The following TMPRSS9 variants were observed in gnomAD, a reference collection of about 807,000 sequenced individuals.
TMPRSS9 encodes transmembrane serine protease 9, also known as transmembrane protease serine 9.
In TMPRSS9, 113 loss-of-function variants were observed where a neutral mutation model predicts 111.4. That is an observed-to-expected ratio of 1.01 (90% CI 0.87 to 1.19). The LOEUF (loss-of-function observed/expected upper bound fraction) is 1.19. Among genes scored for constraint, TMPRSS9 ranks in the 50% most tolerant of loss-of-function variants. The pLI is 0.00. For missense variants in TMPRSS9, 1,803 were observed against 1,513.1 expected (o/e 1.19, Z -3.18); for synonymous variants, 805 against 659.1 (o/e 1.22, Z -3.39).
At chr19:2,388,858 G>A (rs187291785), upstream of TMPRSS9, among the ~76,000 whole-genome samples, 31 of 151,226 alleles carry the variant, frequency 2.0e-4, 1 homozygote, top group African/African-American at 6.8e-4. Flanking sequence ...TCCTGGGCTC[G>A]AGCAATCCTC....
intron 1 of TMPRSS9, among the ~76,000 whole-genome samples, chr19:2,380,779 G>C (rs1422093110): frequency 6.6e-6 from 1 of 152,068 alleles, no homozygotes; most frequent in Non-Finnish European, 1.5e-5. Flanking sequence ...AAGCTGCTAA[G>C]TTTGTGCTGA....
intron 1 of TMPRSS9, among the ~76,000 whole-genome samples, chr19:2,394,769 ATGT>A (rs1199970912): frequency 6.9e-6 from 1 of 144,090 alleles, no homozygotes; most frequent in Non-Finnish European, 1.5e-5. Context: ...CATGGTTTAA[ATGT>A]TGTAATTACG....
chr19:2,408,998 AT>A (rs947915539), intron 8 of TMPRSS9, among the ~76,000 whole-genome samples: 5 of 130,196 alleles, frequency 3.8e-5, no homozygotes, highest in Non-Finnish European at 6.4e-5. Context: ...CAAAATAATA[AT>A]AATAATAATA....
chr19:2,371,357 C>T (rs891996800), intron 1 of TMPRSS9, among the ~76,000 whole-genome samples: 1 of 152,050 alleles, frequency 6.6e-6, no homozygotes, highest in Non-Finnish European at 1.5e-5. Context: ...AGACGGAAGT[C>T]GGTAGGTTGG....
chr19:2,408,611 C>G lies in TMPRSS9; in HGVS notation c.1098C>G (p.Gly366=), dbSNP rs867654963. 1.9e-6 allele frequency: 3 copies of G among 1,612,552 alleles called. No individual in the cohort carries two copies. In the Middle Eastern group the frequency reaches 5.0e-4, roughly 266 times the overall value. ...AGAAGTGCCTGATCTCAGGCTGGGGCTACCTCAAGGAGGACTTCCGTAAGC... is the reference window on the plus strand; with the variant it reads ...AGAAGTGCCTGATCTCAGGCTGGGGGTACCTCAAGGAGGACTTCCGTAAGC... Residue 366 remains glycine (G), a synonymous_variant, in exon 8 of 18, where the codon GGC becomes GGG. Transcript: ENST00000648592.
chr19:2,413,599 T>C (rs1477307920), intron 9 of TMPRSS9, 101 bp from the exon 11 acceptor site: 2 of 1,317,178 alleles, frequency 1.5e-6, no homozygotes, highest in East Asian at 4.7e-5. Flanking sequence ...TGGAGAGAGG[T>C]CCTGGCTGTC....
chr19:2,394,895 T>C (rs574080782), intron 1 of TMPRSS9, among the ~76,000 whole-genome samples: 2 of 152,348 alleles, frequency 1.3e-5, no homozygotes, highest in East Asian at 3.9e-4. Context: ...TAGATTTTTT[T>C]CTGCTGCTGC....
At chr19:2,416,778 C>T in exon 12 of TMPRSS9, 1 of 1,611,972 alleles carries the variant, frequency 6.2e-7, no homozygotes, top group Non-Finnish European at 8.5e-7. Context: ...AGTGCATGAT[C>T]TCCGGATGGG....
Position 2,406,390 on chromosome 19 carries a change from G to A in TMPRSS9, c.842+845G>A, listed in dbSNP as rs374733823. 4.6e-4 allele frequency among the ~76,000 whole-genome samples: 70 copies of A among 151,180 alleles called. No homozygotes were observed. In the South Asian group the frequency reaches 8.8e-3, roughly 19 times the overall value. On this transcript the variant is annotated intron_variant, in intron 7 of 17. Coordinates refer to ENST00000648592, the Ensembl canonical transcript of TMPRSS9. Reference sequence around the variant, plus strand: ...CGCCCTGGCTGGAGTGCAGTGGTGCGATCTCAGCTCACTGCAACCTCCACC... The same window carrying A: ...CGCCCTGGCTGGAGTGCAGTGGTGCAATCTCAGCTCACTGCAACCTCCACC...
intron 1 of TMPRSS9, among the ~76,000 whole-genome samples, chr19:2,378,798 G>C (rs1447197222): frequency 6.6e-6 from 1 of 152,144 alleles, no homozygotes; most frequent in Non-Finnish European, 1.5e-5. Flanking sequence ...TGGCTGGGGA[G>C]GCCTCAGGAA....
chr19:2,395,894 G>A (rs1464751977), intron 1 of TMPRSS9, among the ~76,000 whole-genome samples: 3 of 151,946 alleles, frequency 2.0e-5, no homozygotes, highest in African/African-American at 7.3e-5. Context: ...TGTAGTCCCA[G>A]CTACTCGGGA....
intron 13 of TMPRSS9, among the ~76,000 whole-genome samples, chr19:2,420,013 A>T (rs974122332): frequency 2.0e-5 from 3 of 152,086 alleles, no homozygotes; most frequent in Non-Finnish European, 2.9e-5. Context: ...TAAAAAAAAA[A>T]TTTGTCAGGC....
chr19:2,372,519 G>GA, intron 1 of TMPRSS9, among the ~76,000 whole-genome samples: 2 of 151,946 alleles, frequency 1.3e-5, no homozygotes, highest in Admixed American at 1.3e-4. Context: ...CCAGTCTTTG[G>GA]AAAAAAAGAT....
chr19:2,384,277 T>C (rs778511296), intron 1 of TMPRSS9, among the ~76,000 whole-genome samples: 1 of 152,058 alleles, frequency 6.6e-6, no homozygotes, highest in African/African-American at 2.4e-5. Context: ...TTGCAGACAA[T>C]GTGGAGGTGA....
chr19:2,425,128 C>T (rs373038495), exon 16 of TMPRSS9: 10 of 1,581,678 alleles, frequency 6.3e-6, no homozygotes, highest in African/African-American at 2.7e-5. Flanking sequence ...CGCTCGACTA[C>T]GACGTGGCGC....
chr19:2,374,134 C>A (rs1970311603), intron 1 of TMPRSS9, among the ~76,000 whole-genome samples: 1 of 151,524 alleles, frequency 6.6e-6, no homozygotes. Flanking sequence ...GGCTTCACTG[C>A]TTTTCAAGCT....
rs1486521452 is a variant in TMPRSS9 at position 2,422,122 on chromosome 19, CT to C, written c.2424del (p.Ala810LeufsTer5). On this transcript the variant is annotated frameshift_variant, in exon 14 of 18. Transcript: ENST00000648592. LOFTEE classifies it high-confidence loss of function. Reference sequence around the variant, plus strand: ...GGGGCCACACCCAGCAGACCCACCCCTGGGGCTGCCAGCAGGGTGACGGGCC... The same window carrying C: ...GGGGCCACACCCAGCAGACCCACCCCGGGGCTGCCAGCAGGGTGACGGGCC... 2.5e-5 allele frequency: 40 copies of C among 1,598,204 alleles called. No individual in the cohort carries two copies. Among genetic ancestry groups the C allele is most frequent in the Non-Finnish European group, 3.2e-5 (38 of 1,171,222 alleles).
exon 6 of TMPRSS9, chr19:2,403,162 G>T (rs1292926078): frequency 6.2e-7 from 1 of 1,611,766 alleles, no homozygotes; most frequent in African/African-American, 1.3e-5. Context: ...CGACCAGGAG[G>T]ACTGCTCCGA....
At chr19:2,411,355 A>G (rs1219327471) in intron 9 of TMPRSS9, among the ~76,000 whole-genome samples, 4 of 146,588 alleles carry the variant, frequency 2.7e-5, no homozygotes, top group Non-Finnish European at 4.5e-5. Context: ...GGGTCATCCA[A>G]AGCTGCTTCT....
Sources: gnomAD v4.1 joint callset for allele counts (sites outside exome capture counted in the v4.1 genomes callset) on GRCh38, gnomAD v4.1.1 for gene constraint, MANE v1.5 for transcripts, NCBI Gene and HGNC (gene_info 2026-07-23, HGNC 2026-07-21) for gene names.